Variants in NBPF9 observed in about 807,000 individuals in gnomAD.
NBPF9 encodes the protein NBPF member 9.
Under a neutral mutation model 97.8 loss-of-function variants are expected in NBPF9, and 91 were observed. The observed-to-expected ratio is 0.93, with a 90% CI of 0.79 to 1.11. NBPF9 has a LOEUF of 1.11. Ranked by LOEUF, NBPF9 falls within the 50% of genes least tolerant of loss-of-function variation. The pLI, the probability that NBPF9 is intolerant of heterozygous loss-of-function variation, is 0.00. For missense variants in NBPF9, 992 were observed against 939.5 expected (o/e 1.06, Z -0.73); for synonymous variants, 334 against 359.5 (o/e 0.93, Z 0.80).
At chr1:149,082,049 T>A in exon 7 of NBPF9, 6 of 1,611,262 alleles carry the variant, frequency 3.7e-6, no homozygotes, top group Non-Finnish European at 5.1e-6. Context: ...TGCTGTTTGT[T>A]CTCTGCCAAC....
intron 15 of NBPF9, 96 bp downstream of exon 15, chr1:149,071,508 G>C: frequency 8.7e-7 from 1 of 1,143,494 alleles, no homozygotes; most frequent in South Asian, 1.3e-5. Context: ...AGCGAATGCG[G>C]GTTTTTGGCC....
chr1:149,056,151 G>T (rs1331423641), intron 29 of NBPF9, among the ~76,000 whole-genome samples: 2 of 151,782 alleles, frequency 1.3e-5, no homozygotes, highest in Non-Finnish European at 2.9e-5. Context: ...GAATTGGCCA[G>T]GTGACATACT....
chr1:149,099,385 TTTTA>T (rs1215110170), intron 3 of NBPF9, among the ~76,000 whole-genome samples: 24 of 152,216 alleles, frequency 1.6e-4, no homozygotes, highest in African/African-American at 5.1e-4. Context: ...ATACAAGCTA[TTTTA>T]TTTGTTAGAT....
rs587612601 is a variant in NBPF9 at position 149,061,908 on chromosome 1, C to G, written c.2251+185G>C. 26 of 457,102 alleles carry G rather than the reference C, an allele frequency of 5.7e-5. 1 individual carries two copies. Among genetic ancestry groups the G allele is most frequent in the Middle Eastern group, 1.4e-3 (2 of 1,458 alleles). 28.3% of individuals were successfully genotyped at this position (457,102 alleles called of 1,614,324 possible). ...TGGAGACTAGGAATGGAGCCTTGCTCACTGACCCATTTCATGTCTAGGCTT... is the reference window on the plus strand; with the variant it reads ...TGGAGACTAGGAATGGAGCCTTGCTGACTGACCCATTTCATGTCTAGGCTT... On this transcript the variant is annotated intron_variant, in intron 22 of 29. Transcript: ENST00000584027.
chr1:149,073,936 A>C (rs2079632891), intron 12 of NBPF9, 66 bp from the exon 13 acceptor site: 6 of 1,108,682 alleles, frequency 5.4e-6, no homozygotes, highest in Non-Finnish European at 8.1e-6. Flanking sequence ...CACTGCCTAC[A>C]GGGCAGGAGC....
rs1217916697 is a variant in NBPF9 at position 149,097,975 on chromosome 1, T to A, written c.-337+463A>T. Among the ~76,000 whole-genome samples, 21 of 152,028 alleles carry A rather than the reference T, an allele frequency of 1.4e-4. No individual in the cohort carries two copies. In the South Asian group the frequency reaches 4.4e-3, roughly 32 times the overall value. Reference sequence around the variant, plus strand: ...CTGGACACATCTAGAGGGCACTGCCTAAAACCACACACATCTCCCCACCCA... The same window carrying A: ...CTGGACACATCTAGAGGGCACTGCCAAAAACCACACACATCTCCCCACCCA... On this transcript the variant is annotated intron_variant, in intron 4 of 29. Coordinates refer to ENST00000584027, the Ensembl canonical transcript of NBPF9.
At chr1:149,060,277 T>C (rs2078512963) in intron 24 of NBPF9, 1 of 334,342 alleles carries the variant, frequency 3.0e-6, no homozygotes, top group Non-Finnish European at 5.7e-6. Context: ...CCAGGTCCAA[T>C]GTCATGAGGA....
intron 5 of NBPF9, among the ~76,000 whole-genome samples, chr1:149,087,823 CTTT>C (rs1215290741): frequency 7.6e-6 from 1 of 130,850 alleles, no homozygotes; most frequent in East Asian, 2.5e-4. Flanking sequence ...ATTTTGTTGA[CTTT>C]CCTTTTTTTT....
chr1:149,087,471 T>C (rs1384355782), intron 5 of NBPF9, among the ~76,000 whole-genome samples: 9 of 151,028 alleles, frequency 6.0e-5, no homozygotes, highest in Admixed American at 5.3e-4. Context: ...ATTTTTTTTT[T>C]CAACAAAACA....
intron 7 of NBPF9, among the ~76,000 whole-genome samples, chr1:149,081,249 AGTG>A (rs1206568687): frequency 6.6e-6 from 1 of 150,582 alleles, no homozygotes; most frequent in Non-Finnish European, 1.5e-5. Flanking sequence ...CCTCCCGATT[AGTG>A]GTGATTACAG....
At chr1:149,055,675 T>G (rs1043478) in exon 30 of NBPF9, 28 of 1,602,516 alleles carry the variant, frequency 1.7e-5, no homozygotes, top group African/African-American at 2.9e-5. Flanking sequence ...GAATATGACT[T>G]CCATCTGGAA....
At chr1:149,075,686 G>T (rs782378556) in exon 12 of NBPF9, 3 of 1,604,144 alleles carry the variant, frequency 1.9e-6, no homozygotes, top group Non-Finnish European at 1.7e-6. Context: ...CCAGGAAGCC[G>T]GCCAGTTGAG....
chr1:149,068,208 A>T (rs1553652191), intron 17 of NBPF9, among the ~76,000 whole-genome samples: 1 of 149,046 alleles, frequency 6.7e-6, no homozygotes, highest in Non-Finnish European at 1.5e-5. Context: ...CTAGGAAGAA[A>T]CTGCATCAAC....
rs781926173 is a variant in NBPF9 at position 149,072,855 on chromosome 1, G to A, written c.1169C>T (p.Ala390Val). 14 of 1,604,498 alleles carry A rather than the reference G, an allele frequency of 8.7e-6. 1 individual carries two copies. In the South Asian group the frequency reaches 1.3e-4, roughly 15 times the overall value. The change falls in exon 14 of 30, where the codon GCC becomes GTC. Residue 390 changes from alanine to valine, a missense_variant. Physicochemically the swap from Ala to Val is moderately conservative, Grantham distance 64. Transcript: ENST00000584027. ...GAGATGCTCATTCAATGAGCGGGAG[G>A]CATCTCTCCCTTCCCGCAACTTCTC...
chr1:149,065,656 G>T (rs1553651555), exon 18 of NBPF9: 1 of 1,603,690 alleles, frequency 6.2e-7, no homozygotes, highest in African/African-American at 1.3e-5. Flanking sequence ...AGGACTCCTG[G>T]GGGACTTCCT....
chr1:149,077,791 T>A lies in NBPF9; in HGVS notation c.566+92A>T, dbSNP rs587715344. 63 of 1,559,926 alleles carry A rather than the reference T, an allele frequency of 4.0e-5. No homozygotes were observed. In the African/African-American group the frequency reaches 4.3e-4, roughly 11 times the overall value. ...ATACTGTGGCCAAGGGGATGCGGGCTTTTGGCCCACCATAGATGCCAGAGA... is the reference window on the plus strand; with the variant it reads ...ATACTGTGGCCAAGGGGATGCGGGCATTTGGCCCACCATAGATGCCAGAGA... On this transcript the variant is annotated intron_variant, in intron 10 of 29. Transcript: ENST00000584027.
At chr1:149,103,328 T>A (rs1261626784) in exon 1 of NBPF9, 1 of 151,940 alleles carries the variant, frequency 6.6e-6, no homozygotes, top group Non-Finnish European at 1.5e-5. Flanking sequence ...GACTTCGCTG[T>A]AAACCGTAAC....
At chr1:149,087,359 GTGTA>G (rs1421288308) in intron 5 of NBPF9, among the ~76,000 whole-genome samples, 7 of 149,494 alleles carry the variant, frequency 4.7e-5, no homozygotes, top group African/African-American at 1.3e-4. Context: ...ACGTTTGTGT[GTGTA>G]TGTGTGTATA....
At chr1:149,059,743 C>T in exon 25 of NBPF9, 1 of 587,822 alleles carries the variant, frequency 1.7e-6, no homozygotes, top group Middle Eastern at 5.6e-4. Flanking sequence ...TCTTTTCTTC[C>T]CCTTCTTCTT....
Sources: allele counts gnomAD v4.1 joint callset (sites outside exome capture counted in the v4.1 genomes callset), GRCh38; gene constraint gnomAD v4.1.1; transcripts MANE v1.5; gene names NCBI Gene and HGNC (gene_info 2026-07-23, HGNC 2026-07-21).